NKAIN3: variants seen among roughly 807,000 people sequenced by gnomAD.
NKAIN3 encodes the protein sodium/potassium-transporting ATPase subunit beta-1-interacting protein 3.
Under a neutral mutation model 30.2 loss-of-function variants are expected in NKAIN3, and 25 were observed. The ratio of observed to expected loss-of-function variants is 0.83; its 90% CI spans 0.60 to 1.16. NKAIN3 has a LOEUF of 1.16. NKAIN3 is among the 50% of genes most tolerant of loss of function. The pLI, the probability that NKAIN3 is intolerant of heterozygous loss-of-function variation, is 0.00. For missense variants in NKAIN3, 225 were observed against 254.1 expected, an observed-to-expected ratio of 0.89 and a Z score of 0.78; for synonymous variants, 91 against 89.6, an observed-to-expected ratio of 1.02 and a Z score of -0.09.
rs150837330 is a variant in NKAIN3 at position 62,665,588 on chromosome 8, G to C, written c.273+75794G>C. Among the ~76,000 whole-genome samples the C allele has an allele frequency of 7.0e-3, 1,061 of 152,260 alleles. 49 individuals carry two copies. Among genetic ancestry groups the C allele is most frequent in the Admixed American group, 0.065 (993 of 15,270 alleles). On this transcript the variant is annotated intron_variant, in intron 3 of 6. Coordinates refer to ENST00000623646, the MANE Select transcript of NKAIN3 (RefSeq NM_001304533.3). ...GTGAACGTGGGCATTTTGGTGATTG[G>C]GCCACAGGGAAATTAAGCTGAGAAT... is the stretch of plus-strand genomic sequence containing the variant.
At chr8:62,991,792 A>G (rs1425231370) in intron 5 of NKAIN3, among the ~76,000 whole-genome samples, 7 of 152,210 alleles carry the variant, frequency 4.6e-5, no homozygotes, top group Non-Finnish European at 8.8e-5. Flanking sequence ...TCTCCTGTTA[A>G]TGCAATACTT....
chr8:62,834,721 T>C (rs1194913105), intron 4 of NKAIN3, among the ~76,000 whole-genome samples: 1 of 152,010 alleles, frequency 6.6e-6, no homozygotes, highest in Non-Finnish European at 1.5e-5. Context: ...TGCTCATGGA[T>C]TGGAAGAATC....
intron 3 of NKAIN3, among the ~76,000 whole-genome samples, chr8:62,634,847 G>A (rs1233836464): frequency 1.3e-5 from 2 of 152,072 alleles, no homozygotes; most frequent in Non-Finnish European, 2.9e-5. Context: ...GGAACAGCAT[G>A]GTGAACATGG....
In NKAIN3 at chr8:62,311,115, AAAAC is replaced by A. The variant is rs1237891226; in HGVS notation, c.54+61996_54+61999del. 3.7e-4 allele frequency among the ~76,000 whole-genome samples: 56 copies of A among 150,786 alleles called. 4 individuals are homozygous for A. The highest frequency in any genetic ancestry group is 1.2e-3 in the African/African-American group (50 of 40,124). ...TGCAGGCTTTGAAAACTGATTTTTAAAAACAAACAAAGCCAAAAAATAAAAACAA... is the reference window on the plus strand; with the variant it reads ...TGCAGGCTTTGAAAACTGATTTTTAAAAACAAAGCCAAAAAATAAAAACAA... On this transcript the variant is annotated intron_variant, in intron 1 of 6. Coordinates refer to ENST00000623646, the MANE Select transcript of NKAIN3 (RefSeq NM_001304533.3).
intron 1 of NKAIN3, among the ~76,000 whole-genome samples, chr8:62,434,960 A>G (rs1271793478): frequency 6.6e-6 from 1 of 152,136 alleles, no homozygotes; most frequent in African/African-American, 2.4e-5. Flanking sequence ...ATCATTTTTA[A>G]ACAGCAAGAT....
chr8:62,426,048 C>G (rs184233106), intron 1 of NKAIN3, among the ~76,000 whole-genome samples: 20 of 152,048 alleles, frequency 1.3e-4, no homozygotes, highest in African/African-American at 3.6e-4. Context: ...GTTTTTCACA[C>G]TCTTCAAAAA....
Position 62,396,828 on chromosome 8 carries a change from C to T in NKAIN3, c.54+147701C>T, listed in dbSNP as rs780727489. Reference sequence around the variant, plus strand: ...GAAGCTTCTTATTGCGGCTTTGTTTCCCAGGTACCAGGTTATAACGACTTA... The same window carrying T: ...GAAGCTTCTTATTGCGGCTTTGTTTTCCAGGTACCAGGTTATAACGACTTA... On this transcript the variant is annotated intron_variant, in intron 1 of 6. Coordinates refer to ENST00000623646, the MANE Select transcript of NKAIN3 (RefSeq NM_001304533.3). Among the ~76,000 whole-genome samples, 194 of 152,136 alleles carry T rather than the reference C, an allele frequency of 1.3e-3. 1 individual carries two copies. The highest frequency in any genetic ancestry group is 2.5e-3 in the Non-Finnish European group (168 of 68,020).
At chr8:62,525,808 T>C (rs1808287993) in intron 1 of NKAIN3, among the ~76,000 whole-genome samples, 1 of 152,146 alleles carries the variant, frequency 6.6e-6, no homozygotes. Flanking sequence ...GTAAAACTTT[T>C]ATAGGTGTTT....
At chr8:62,871,375 C>A (rs1246880348) in intron 4 of NKAIN3, among the ~76,000 whole-genome samples, 3 of 146,064 alleles carry the variant, frequency 2.1e-5, no homozygotes, top group Non-Finnish European at 4.5e-5. Flanking sequence ...TGCACTCCAA[C>A]CTGGGTGACA....
intron 3 of NKAIN3, among the ~76,000 whole-genome samples, chr8:62,642,172 G>A (rs535090818): frequency 2.5e-4 from 38 of 152,170 alleles, no homozygotes. Context: ...CATCTGTTCT[G>A]AGCTTACCAC....
At chr8:62,566,998 C>G (rs971140576) in intron 1 of NKAIN3, among the ~76,000 whole-genome samples, 9 of 151,994 alleles carry the variant, frequency 5.9e-5, no homozygotes, top group Non-Finnish European at 8.8e-5. Context: ...TTTGTCTTTT[C>G]CTTTCTGTTA....
At chr8:62,532,784 C>T (rs1410524838) in intron 1 of NKAIN3, among the ~76,000 whole-genome samples, 1 of 152,172 alleles carries the variant, frequency 6.6e-6, no homozygotes. Flanking sequence ...TGGATTCTCC[C>T]CCTCACTCTA....
intron 1 of NKAIN3, among the ~76,000 whole-genome samples, chr8:62,404,721 G>C (rs557959432): frequency 6.6e-6 from 1 of 152,264 alleles, no homozygotes; most frequent in African/African-American, 2.4e-5. Flanking sequence ...ATAGCAGTGT[G>C]AGTATGGATT....
chr8:62,943,783 ATATTTT>A (rs999085176), intron 5 of NKAIN3, among the ~76,000 whole-genome samples: 5 of 148,072 alleles, frequency 3.4e-5, no homozygotes, highest in African/African-American at 1.2e-4. Flanking sequence ...ATGGTATAAT[ATATTTT>A]TATTTTTATA....
rs370064339 is a variant in NKAIN3, at chr8:62,355,316, A to G, written c.54+106189A>G. Among the ~76,000 whole-genome samples, 31 of 152,316 alleles carry G rather than the reference A, an allele frequency of 2.0e-4. No homozygotes were observed. The East Asian group carries it at 3.9e-3, about 19-fold the overall frequency. On this transcript the variant is annotated intron_variant, in intron 1 of 6. Transcript: ENST00000623646. The stretch of plus-strand genomic sequence containing the variant: ...TGGAGAGGCAAACTTTGAAATCTTC[A>G]TAATAAGATTCATGAAGTCAAGACA...
chr8:62,322,568 TG>T (rs1480730402), intron 1 of NKAIN3, among the ~76,000 whole-genome samples: 1 of 152,232 alleles, frequency 6.6e-6, no homozygotes, highest in African/African-American at 2.4e-5. Context: ...AAAATGCTTC[TG>T]GTTCCAAGCA....
At chr8:62,485,714 T>C (rs1226646305) in intron 1 of NKAIN3, among the ~76,000 whole-genome samples, 1 of 152,158 alleles carries the variant, frequency 6.6e-6, no homozygotes, top group Non-Finnish European at 1.5e-5. Context: ...TAAGAGGCTG[T>C]AGTTTTCTTT....
Position 62,742,035 on chromosome 8 carries a change from C to T in NKAIN3, c.274-4897C>T, listed in dbSNP as rs181154731. On this transcript the variant is annotated intron_variant, in intron 3 of 6. Coordinates refer to ENST00000623646, the MANE Select transcript of NKAIN3 (RefSeq NM_001304533.3). The stretch of plus-strand genomic sequence containing the variant: ...TAAAGCAGGAAAAATAATTTTTTCT[C>T]TACCCTTCTGAGTTCTTAGCTGGGA... Among the ~76,000 whole-genome samples, 889 of 152,130 alleles carry T rather than the reference C, an allele frequency of 5.8e-3. 8 individuals carry two copies. The highest frequency in any genetic ancestry group is 0.02 in the African/African-American group (830 of 41,522).
intron 3 of NKAIN3, among the ~76,000 whole-genome samples, chr8:62,609,241 T>C (rs949437155): frequency 1.3e-5 from 2 of 152,178 alleles, no homozygotes; most frequent in Non-Finnish European, 2.9e-5. Flanking sequence ...TTATATTGTA[T>C]TTTCCCTCAA....
Sources: gnomAD v4.1 joint callset for allele counts (sites outside exome capture counted in the v4.1 genomes callset) on GRCh38, gnomAD v4.1.1 for gene constraint, MANE v1.5 for transcripts, NCBI Gene and HGNC (gene_info 2026-07-23, HGNC 2026-07-21) for gene names.